The following CYP2C18 variants were observed in gnomAD, a reference collection of about 807,000 sequenced individuals.
CYP2C18 encodes the protein cytochrome P450 2C18.
In CYP2C18, 38 loss-of-function variants were observed where a neutral mutation model predicts 41.3. The observed-to-expected ratio is 0.92, with a 90% CI of 0.71 to 1.21. CYP2C18 has a LOEUF of 1.21. CYP2C18 is among the 50% of genes most tolerant of loss of function. The probability of loss-of-function intolerance (pLI) is 0.00; values close to 1 mark genes in which losing one functional copy is unlikely to be tolerated. For missense variants in CYP2C18, 635 were observed against 591.4 expected (o/e 1.07, Z -0.77); for synonymous variants, 236 against 210.0 (o/e 1.12, Z -1.07).
At chr10:94,715,312 G>C (rs1012001535) in intron 5 of CYP2C18, among the ~76,000 whole-genome samples, 2 of 152,154 alleles carry the variant, frequency 1.3e-5, no homozygotes, top group Non-Finnish European at 2.9e-5. Flanking sequence ...TATTGGCTTT[G>C]GGTTTGTCAT....
chr10:94,713,357 G>A (rs1024244552), intron 5 of CYP2C18, among the ~76,000 whole-genome samples: 24 of 122,254 alleles, frequency 2.0e-4, no homozygotes, highest in Non-Finnish European at 3.1e-4. Context: ...ATAGTCCCCC[G>A]TGTGTGATGT....
chr10:94,693,152 TTAAAG>T (rs748242037), intron 3 of CYP2C18, among the ~76,000 whole-genome samples: 1 of 152,128 alleles, frequency 6.6e-6, no homozygotes, highest in Non-Finnish European at 1.5e-5. Flanking sequence ...ACCCTAAAAT[TTAAAG>T]TATATAAAAA....
intron 8 of CYP2C18, among the ~76,000 whole-genome samples, chr10:94,734,066 C>T (rs1228462688): frequency 6.6e-6 from 1 of 151,948 alleles, no homozygotes. Flanking sequence ...CAGCAGGAAA[C>T]AGGACAAGAA....
Position 94,735,536 on chromosome 10 carries a change from A to G in CYP2C18, c.*92A>G. 1.6e-6 allele frequency: 2 copies of G among 1,253,788 alleles called. No homozygotes were observed. Among genetic ancestry groups the G allele is most frequent in the Non-Finnish European group, 1.1e-6 (1 of 874,942 alleles). The allele number at this position is 1,253,788 out of a possible 1,614,324, so 77.7% of individuals were successfully genotyped here. A position where few individuals can be genotyped will look rare whatever the true frequency, so the allele number is the denominator to read the frequency against. On this transcript the variant is annotated 3_prime_UTR_variant, in exon 9 of 9. Coordinates refer to ENST00000285979, the MANE Select transcript of CYP2C18 (RefSeq NM_000772.3). ...CCTCTCCCTTCTCTCTGTGAGGGAT[A>G]TTTTCTCTGACTTGTCAATCCACAT...
rs772558145 is a variant in CYP2C18, at chr10:94,706,866, G to T, written c.725G>T (p.Ser242Ile). Residue 242 changes from serine (S) to isoleucine (I), a missense_variant, in exon 5 of 9, where the codon AGT becomes ATT. By Grantham distance (142) the Ser-to-Ile change is moderately radical (BLOSUM62 -2). Transcript: ENST00000285979. ...GCTGAAAATTTTGCTTACATTAAAA[G>T]TTATGTATTGGAGAGAATAAAAGAA... ...KIAENFAYIK[S>I]YVLERIKEHQ... 3 of 1,611,128 alleles carry T rather than the reference G, an allele frequency of 1.9e-6. No individual in the cohort carries two copies. In the Admixed American group the frequency reaches 5.0e-5, roughly 27 times the overall value.
Position 94,703,175 on chromosome 10 carries a change from G to A in CYP2C18, c.643-3609G>A, listed in dbSNP as rs113042380. ...TCCTGTATGACATATCTGTCAAACCGTGCTGGGAGGTGTCTCCCTCTCAGG... is the reference window on the plus strand; with the variant it reads ...TCCTGTATGACATATCTGTCAAACCATGCTGGGAGGTGTCTCCCTCTCAGG... On this transcript the variant is annotated intron_variant, in intron 4 of 8. Coordinates refer to ENST00000285979, the MANE Select transcript of CYP2C18 (RefSeq NM_000772.3). Among the ~76,000 whole-genome samples the A allele has an allele frequency of 1.6e-3, 244 of 152,308 alleles. 1 individual carries two copies. Among genetic ancestry groups the A allele is most frequent in the Non-Finnish European group, 2.8e-3 (188 of 68,026 alleles).
intron 5 of CYP2C18, among the ~76,000 whole-genome samples, chr10:94,712,767 T>G (rs545019817): frequency 3.3e-5 from 5 of 152,228 alleles, no homozygotes; most frequent in Admixed American, 6.5e-5. Flanking sequence ...AACCTTTTAC[T>G]GTTTTCCATA....
At chr10:94,709,258 C>A (rs1478110599) in intron 5 of CYP2C18, among the ~76,000 whole-genome samples, 3 of 152,116 alleles carry the variant, frequency 2.0e-5, no homozygotes, top group African/African-American at 7.2e-5. Flanking sequence ...TTGAGGATTC[C>A]ACTTTCTCCA....
chr10:94,688,218 A>G lies in CYP2C18; in HGVS notation c.425A>G (p.Glu142Gly), dbSNP rs1478978224. The G allele has an allele frequency of 1.2e-6, 2 of 1,613,594 alleles. No homozygotes were observed. Among genetic ancestry groups the G allele is most frequent in the African/African-American group, 2.7e-5 (2 of 74,878 alleles). ...RNFGMGKRSIEDRVQEEARCL... is the reference protein window; with the variant it reads ...RNFGMGKRSIGDRVQEEARCL... ...TTTGGGATGGGGAAGAGGAGCATCGAGGACCGTGTTCAAGAGGAAGCCCGC... is the reference window on the plus strand; with the variant it reads ...TTTGGGATGGGGAAGAGGAGCATCGGGGACCGTGTTCAAGAGGAAGCCCGC... The change falls in exon 3 of 9, where the codon GAG (glutamate) becomes GGG (glycine). Residue 142 changes from glutamate (E) to glycine (G), a missense_variant. Glu to Gly is a moderately conservative substitution (Grantham distance 98). Transcript: ENST00000285979.
At chr10:94,698,076 A>T (rs901338704) in intron 4 of CYP2C18, among the ~76,000 whole-genome samples, 2 of 152,198 alleles carry the variant, frequency 1.3e-5, no homozygotes, top group African/African-American at 4.8e-5. Flanking sequence ...GATCAAGGAG[A>T]CAGAAGGTTA....
At chr10:94,725,881 A>G (rs1312778959) in intron 7 of CYP2C18, among the ~76,000 whole-genome samples, 6 of 152,044 alleles carry the variant, frequency 3.9e-5, no homozygotes, top group Non-Finnish European at 8.8e-5. Flanking sequence ...CTTCCTCAAA[A>G]TTTTCTTGTC....
intron 4 of CYP2C18, among the ~76,000 whole-genome samples, chr10:94,704,614 C>T (rs1164491681): frequency 6.6e-6 from 1 of 152,084 alleles, no homozygotes; most frequent in African/African-American, 2.4e-5. Flanking sequence ...CTGGAGCACT[C>T]CTTGTCATAG....
intron 7 of CYP2C18, among the ~76,000 whole-genome samples, chr10:94,725,020 G>T (rs1926711): frequency 1.3e-5 from 2 of 148,338 alleles, no homozygotes; most frequent in East Asian, 2.0e-4. Context: ...CATGTATTAC[G>T]TTTTTTTTCT....
intron 3 of CYP2C18, among the ~76,000 whole-genome samples, chr10:94,689,427 T>A (rs1357559261): frequency 6.6e-6 from 1 of 152,134 alleles, no homozygotes; most frequent in African/African-American, 2.4e-5. Context: ...GCTCCCAAAG[T>A]CAGACAGTTC....
intron 5 of CYP2C18, among the ~76,000 whole-genome samples, chr10:94,718,796 T>C (rs927611575): frequency 6.6e-6 from 1 of 152,152 alleles, no homozygotes; most frequent in Non-Finnish European, 1.5e-5. Flanking sequence ...GACTCCTGTA[T>C]ACTTAGTCCT....
intron 4 of CYP2C18, among the ~76,000 whole-genome samples, chr10:94,696,706 C>T (rs1327078969): frequency 6.6e-6 from 1 of 151,886 alleles, no homozygotes; most frequent in Admixed American, 6.6e-5. Flanking sequence ...AGTTCAAACC[C>T]ATGGCAAAGA....
chr10:94,697,996 C>A (rs1016115515), intron 4 of CYP2C18, among the ~76,000 whole-genome samples: 8 of 152,248 alleles, frequency 5.3e-5, no homozygotes, highest in African/African-American at 1.9e-4. Flanking sequence ...CCTTAGAGAC[C>A]TACGAAGAGA....
chr10:94,697,578 A>G (rs1194072038), intron 4 of CYP2C18, among the ~76,000 whole-genome samples: 1 of 152,206 alleles, frequency 6.6e-6, no homozygotes, highest in East Asian at 1.9e-4. Context: ...TCAACTAACG[A>G]GCAAAATAAC....
At chr10:94,733,512 T>C in intron 8 of CYP2C18, 74 bp downstream of exon 8, 1 of 1,588,798 alleles carries the variant, frequency 6.3e-7, no homozygotes. Context: ...TCTTACATGA[T>C]GCCACCTCTG....
Sources: allele counts gnomAD v4.1 joint callset (sites outside exome capture counted in the v4.1 genomes callset), GRCh38; gene constraint gnomAD v4.1.1; transcripts MANE v1.5; gene names NCBI Gene and HGNC (gene_info 2026-07-23, HGNC 2026-07-21).